The following HTR2C variants were observed in gnomAD, a reference collection of about 807,000 sequenced individuals.
HTR2C encodes 5-hydroxytryptamine (serotonin) receptor 2C, G protein-coupled.
A neutral mutation model predicts 21.0 loss-of-function variants in HTR2C; 5 were observed. The ratio of observed to expected loss-of-function variants is 0.24; its 90% CI spans 0.12 to 0.50. The LOEUF is 0.50. HTR2C is among the 20% of genes least tolerant of loss of function. The probability of loss-of-function intolerance (pLI) is 0.98; values close to 1 mark genes in which losing one functional copy is unlikely to be tolerated. For synonymous variants in HTR2C, 150 were observed against 145.3 expected, an observed-to-expected ratio of 1.03 and a Z score of -0.23; for missense variants, 271 against 371.2, an observed-to-expected ratio of 0.73 and a Z score of 2.22.
intron 4 of HTR2C, among the ~76,000 whole-genome samples, chrX:114,742,559 A>G (rs1179448589): frequency 1.8e-5 from 2 of 110,978 alleles, no homozygotes; most frequent in African/African-American, 6.5e-5. Flanking sequence ...TTTTAACAAG[A>G]TCTAAAATCT....
intron 4 of HTR2C, among the ~76,000 whole-genome samples, chrX:114,762,249 C>A (rs1367565778): frequency 1.8e-5 from 2 of 109,881 alleles, no homozygotes; most frequent in African/African-American, 3.3e-5. Flanking sequence ...CAAACCTAGA[C>A]CAGAACTATA....
intron 1 of HTR2C, among the ~76,000 whole-genome samples, chrX:114,611,925 C>T (rs1032835135): frequency 1.6e-4 from 18 of 111,188 alleles, no homozygotes; most frequent in Non-Finnish European, 3.2e-4. Flanking sequence ...TCTCGATCTC[C>T]TGACCTCGTG....
At chrX:114,605,385 G>T (rs1288259637) in intron 1 of HTR2C, among the ~76,000 whole-genome samples, 1 of 110,058 alleles carries the variant, frequency 9.1e-6, no homozygotes, top group Non-Finnish European at 1.9e-5. Flanking sequence ...AGGTCAGATG[G>T]GTCTGTAGAA....
chrX:114,744,399 A>G (rs1318305274), intron 4 of HTR2C, among the ~76,000 whole-genome samples: 1 of 108,024 alleles, frequency 9.3e-6, no homozygotes, highest in African/African-American at 3.4e-5. Flanking sequence ...AGCACAAATT[A>G]TTAAGATTAA....
intron 5 of HTR2C, among the ~76,000 whole-genome samples, chrX:114,899,947 G>A (rs2071325384): frequency 9.0e-6 from 1 of 110,992 alleles, no homozygotes; most frequent in Admixed American, 9.6e-5. Context: ...TAAAATTCTG[G>A]GTTGACAGAT....
chrX:114,680,621 T>C (rs1356256705), intron 2 of HTR2C, among the ~76,000 whole-genome samples: 1 of 111,708 alleles, frequency 9.0e-6, no homozygotes, highest in Non-Finnish European at 1.9e-5. Context: ...CACCTTCTCA[T>C]CCTTGATGGT....
intron 5 of HTR2C, among the ~76,000 whole-genome samples, chrX:114,867,342 T>G (rs1421426494): frequency 9.0e-6 from 1 of 111,689 alleles, no homozygotes; most frequent in Non-Finnish European, 1.9e-5. Context: ...AGCCCATTTT[T>G]TGATTGGATT....
intron 5 of HTR2C, among the ~76,000 whole-genome samples, chrX:114,889,292 T>C (rs1436817989): frequency 8.9e-6 from 1 of 111,963 alleles, no homozygotes; most frequent in Non-Finnish European, 1.9e-5. Context: ...CTCTCAGTTG[T>C]TGCTAAGGAG....
intron 2 of HTR2C, among the ~76,000 whole-genome samples, chrX:114,645,333 A>G (rs953074529): frequency 2.7e-5 from 3 of 111,488 alleles, no homozygotes; most frequent in Non-Finnish European, 3.8e-5. Context: ...AGAAAACAGC[A>G]TGAAAAGATA....
intron 2 of HTR2C, among the ~76,000 whole-genome samples, chrX:114,680,280 T>C (rs1931703465): frequency 8.9e-6 from 1 of 112,471 alleles, no homozygotes; most frequent in African/African-American, 3.2e-5. Context: ...GAGTAATGTA[T>C]ACCATAGAGA....
intron 1 of HTR2C, among the ~76,000 whole-genome samples, chrX:114,589,231 A>T (rs1462189545): frequency 1.8e-5 from 2 of 112,139 alleles, no homozygotes; most frequent in African/African-American, 6.5e-5. Context: ...TGAGACAGAC[A>T]TGCAACATTT....
intron 2 of HTR2C, among the ~76,000 whole-genome samples, chrX:114,655,062 A>G (rs1031092834): frequency 1.8e-5 from 2 of 110,024 alleles, no homozygotes; most frequent in African/African-American, 6.6e-5. Flanking sequence ...AGCCATACCA[A>G]GAATGAAGAG....
chrX:114,627,610 A>T (rs1341741973), intron 2 of HTR2C, among the ~76,000 whole-genome samples: 1 of 111,662 alleles, frequency 9.0e-6, no homozygotes, highest in African/African-American at 3.3e-5. Context: ...TCAGCAGAAG[A>T]TCCTTAAGGA....
In HTR2C at chrX:114,744,974, A is replaced by G. The variant is rs1011782900; in HGVS notation, c.349+13367A>G. Among the ~76,000 whole-genome samples, 6 of 112,189 alleles carry G rather than the reference A, an allele frequency of 5.3e-5. No homozygotes were observed. In the South Asian group the frequency reaches 2.2e-3, roughly 41 times the overall value. On this transcript the variant is annotated intron_variant, in intron 4 of 5. Coordinates refer to ENST00000276198, the MANE Select transcript of HTR2C (RefSeq NM_000868.4). ...TAAACTCCCAAAGATTGCATATGAA[A>G]AAATGGTTAAACTGTTTAAATAGCT...
At chrX:114,779,933 A>ATG (rs1556440131) in intron 4 of HTR2C, among the ~76,000 whole-genome samples, 1 of 110,799 alleles carries the variant, frequency 9.0e-6, no homozygotes, top group African/African-American at 3.3e-5. Flanking sequence ...ATATGTGTAT[A>ATG]TGTGTGTATA....
intron 4 of HTR2C, among the ~76,000 whole-genome samples, chrX:114,821,799 C>T (rs2070635000): frequency 1.8e-5 from 2 of 110,869 alleles, no homozygotes; most frequent in South Asian, 7.6e-4. Context: ...TTGTTTATCA[C>T]TGAAGCACCT....
chrX:114,727,565 C>T (rs2069495103), intron 3 of HTR2C, among the ~76,000 whole-genome samples: 1 of 111,700 alleles, frequency 9.0e-6, no homozygotes, highest in African/African-American at 3.3e-5. Context: ...CTTCTTTTTA[C>T]ATAGAAAAAT....
intron 4 of HTR2C, among the ~76,000 whole-genome samples, chrX:114,824,645 G>C (rs184347547): frequency 9.8e-5 from 11 of 111,722 alleles, no homozygotes; most frequent in Admixed American, 9.5e-4. Context: ...AGACTTTGGG[G>C]TTCTAAAAAA....
Position 114,835,765 on chromosome X carries a change from T to G in HTR2C, c.350-12238T>G, listed in dbSNP as rs28786508. ...TGCTGGTGAGGAACTGCGTTCCTTT[T>G]GAGGAGGAGAGGCGCTCTGCTTTTT... On this transcript the variant is annotated intron_variant, in intron 4 of 5. Transcript: ENST00000276198. 4.3e-3 allele frequency among the ~76,000 whole-genome samples: 483 copies of G among 111,918 alleles called. 4 individuals are homozygous for G. The highest frequency in any genetic ancestry group is 0.015 in the African/African-American group (448 of 30,810).
Sources: gnomAD v4.1 joint callset for allele counts (sites outside exome capture counted in the v4.1 genomes callset) on GRCh38, gnomAD v4.1.1 for gene constraint, MANE v1.5 for transcripts, NCBI Gene and HGNC (gene_info 2026-07-23, HGNC 2026-07-21) for gene names.